The following PICALM variants were observed in gnomAD, a reference collection of about 807,000 sequenced individuals.
PICALM encodes the protein phosphatidylinositol-binding clathrin assembly protein.
In PICALM, 40 loss-of-function variants were observed where a neutral mutation model predicts 80.5. The observed-to-expected ratio is 0.50, with a 90% CI of 0.39 to 0.65. The LOEUF (loss-of-function observed/expected upper bound fraction) is 0.65, where lower values mean the gene tolerates loss of function less well. PICALM is among the 30% of genes least tolerant of loss of function. PICALM has a pLI of 0.00. For missense variants in PICALM, 676 were observed against 778.9 expected, an observed-to-expected ratio of 0.87 and a Z score of 1.57; for synonymous variants, 288 against 260.3, an observed-to-expected ratio of 1.11 and a Z score of -1.02.
At chr11:85,974,376 G>C in intron 19 of PICALM, 1 of 493,686 alleles carries the variant, frequency 2.0e-6, no homozygotes, top group Non-Finnish European at 4.0e-6. Context: ...CTAAAGCTCT[G>C]AGTTAATGGT....
chr11:85,974,440 T>C (rs770772889), intron 19 of PICALM: 2 of 575,588 alleles, frequency 3.5e-6, no homozygotes, highest in African/African-American at 1.8e-5. Context: ...AGTAGGCTCC[T>C]TAATCTCAGA....
chr11:86,027,780 C>CG, intron 2 of PICALM, among the ~76,000 whole-genome samples: 1 of 152,134 alleles, frequency 6.6e-6, no homozygotes, highest in East Asian at 1.9e-4. Flanking sequence ...CTTGGCCCCC[C>CG]AAACTCTCAG....
At chr11:86,000,971 G>A (rs1448858419) in intron 10 of PICALM, 64 bp downstream of exon 10, 29 of 1,581,490 alleles carry the variant, frequency 1.8e-5, no homozygotes, top group African/African-American at 4.0e-5. Context: ...TCTGTGCAGA[G>A]GCCCCATTTA....
chr11:85,984,268 T>TA (rs2094519801), intron 13 of PICALM, among the ~76,000 whole-genome samples: 1 of 152,164 alleles, frequency 6.6e-6, no homozygotes, highest in Admixed American at 6.5e-5. Flanking sequence ...AGATAATCTT[T>TA]AAAAAACTAA....
chr11:86,036,586 A>G (rs1031738883), intron 1 of PICALM, among the ~76,000 whole-genome samples: 4 of 152,228 alleles, frequency 2.6e-5, no homozygotes, highest in African/African-American at 9.6e-5. Context: ...GATGGCTTTT[A>G]GAACAATACT....
intron 5 of PICALM, among the ~76,000 whole-genome samples, chr11:86,014,104 T>A (rs1592923801): frequency 6.6e-6 from 1 of 152,222 alleles, no homozygotes; most frequent in South Asian, 2.1e-4. Context: ...ACTTACTATG[T>A]GCCACATTAA....
intron 3 of PICALM, chr11:86,023,539 C>T (rs536392043): frequency 6.2e-5 from 61 of 984,800 alleles, no homozygotes; most frequent in Middle Eastern, 5.2e-4. Context: ...CTCAACCTCT[C>T]GTCTACATAA....
intron 19 of PICALM, among the ~76,000 whole-genome samples, chr11:85,966,215 T>C (rs765850701): frequency 6.2e-4 from 92 of 149,254 alleles, no homozygotes; most frequent in African/African-American, 8.1e-4. Context: ...AAACTGTTTT[T>C]CCCCCCCCAA....
Position 85,974,766 on chromosome 11 carries a change from A to C in PICALM, c.1886T>G (p.Ile629Arg). The change falls in exon 19 of 20, where the codon ATA (isoleucine) becomes AGA (arginine). Residue 629 changes from isoleucine (I) to arginine (R), a missense_variant. Ile to Arg is a moderately conservative substitution (Grantham distance 97). Coordinates refer to ENST00000393346, the MANE Select transcript of PICALM (RefSeq NM_007166.4). ...SVPVMTQPTL[I>R]YSQPVMRPPN... ...AGGTCTCATGACAGGCTGGCTGTAT[A>C]TTAAGGTTGGTTGCGTCATTACAGG... The C allele has an allele frequency of 6.2e-7, 1 of 1,613,980 alleles. No homozygotes were observed. Among genetic ancestry groups the C allele is most frequent in the South Asian group, 1.1e-5 (1 of 91,076 alleles).
chr11:86,025,516 CATAAT>C (rs1475937592), intron 3 of PICALM, among the ~76,000 whole-genome samples: 5 of 150,584 alleles, frequency 3.3e-5, no homozygotes, highest in South Asian at 4.2e-4. Flanking sequence ...TGGAATGAAA[CATAAT>C]ATAATAACAA....
chr11:85,960,535 A>G lies in PICALM; in HGVS notation c.1945-1475T>C, dbSNP rs1488720053. ...TGTCCTATCTTTTCATTCTGCACCT[A>G]AAGAATAGAGGAAGAGGAGGAGGAG... is the stretch of plus-strand genomic sequence containing the variant. On this transcript the variant is annotated intron_variant, in intron 19 of 19. Transcript: ENST00000393346. The G allele has an allele frequency of 1.4e-5, 5 of 362,784 alleles. No individual in the cohort carries two copies. In the East Asian group the frequency reaches 2.3e-4, roughly 17 times the overall value. 22.5% of individuals were successfully genotyped at this position (362,784 alleles called of 1,614,324 possible).
intron 5 of PICALM, among the ~76,000 whole-genome samples, chr11:86,014,032 G>A (rs1373749104): frequency 6.6e-6 from 1 of 152,174 alleles, no homozygotes; most frequent in African/African-American, 2.4e-5. Flanking sequence ...GTAAGCTGTA[G>A]TTGGATAATC....
In PICALM at chr11:86,068,888, C is replaced by T. The variant is rs2137972156; in HGVS notation, c.-108G>A. On this transcript the variant is annotated 5_prime_UTR_variant, in exon 1 of 20. Coordinates refer to ENST00000393346, the MANE Select transcript of PICALM (RefSeq NM_007166.4). ...ACCGCACCCCCTACCCCCACCGGCT[C>T]CTTCCCCGCCTGCCGGCCTGGGGCG... 1.4e-6 allele frequency: 2 copies of T among 1,395,032 alleles called. No individual in the cohort carries two copies. Among genetic ancestry groups the T allele is most frequent in the East Asian group, 2.6e-5 (1 of 39,042 alleles). 86.4% of individuals were successfully genotyped at this position (1,395,032 alleles called of 1,614,324 possible).
chr11:85,970,440 T>C (rs114575685), intron 19 of PICALM, among the ~76,000 whole-genome samples: 247 of 152,348 alleles, frequency 1.6e-3, no homozygotes, highest in African/African-American at 5.5e-3. Flanking sequence ...TTATTACTCT[T>C]ATAAATAGGG....
chr11:86,059,349 T>C lies in PICALM; in HGVS notation c.130+9302A>G, dbSNP rs1257823309. Among the ~76,000 whole-genome samples the C allele has an allele frequency of 3.3e-5, 5 of 152,262 alleles. No individual in the cohort carries two copies. The East Asian group carries it at 7.7e-4, about 23-fold the overall frequency. On this transcript the variant is annotated intron_variant, in intron 1 of 19. Transcript: ENST00000393346. ...GGAGGAAATGTGCATAAACCCAAAA[T>C]ACATAAAAGCAAGATAGCCACTACA...
intron 1 of PICALM, among the ~76,000 whole-genome samples, chr11:86,046,325 T>C (rs144376340): frequency 2.0e-3 from 303 of 152,358 alleles, no homozygotes; most frequent in African/African-American, 6.9e-3. Context: ...AGATTCATGA[T>C]TCACCATTGT....
chr11:86,010,384 T>C (rs2095371781), intron 7 of PICALM, among the ~76,000 whole-genome samples: 1 of 151,330 alleles, frequency 6.6e-6, no homozygotes, highest in Non-Finnish European at 1.5e-5. Flanking sequence ...TGGAGTGCAG[T>C]GGTGCGATCT....
intron 18 of PICALM, among the ~76,000 whole-genome samples, chr11:85,975,592 C>CTT (rs11407535): frequency 0.18 from 16,384 of 89,540 alleles, 3,297 homozygotes; most frequent in Non-Finnish European, 0.21. Flanking sequence ...TCTCAGCAGA[C>CTT]TTTTTTTTTT....
intron 19 of PICALM, among the ~76,000 whole-genome samples, chr11:85,973,736 A>C (rs2094184420): frequency 6.6e-6 from 1 of 152,240 alleles, no homozygotes; most frequent in South Asian, 2.1e-4. Context: ...GCTTTGGCAA[A>C]TGTAATATAT....
Sources: allele counts gnomAD v4.1 joint callset (sites outside exome capture counted in the v4.1 genomes callset), GRCh38; gene constraint gnomAD v4.1.1; transcripts MANE v1.5; gene names NCBI Gene and HGNC (gene_info 2026-07-23, HGNC 2026-07-21).